HABP4: variants seen among roughly 807,000 people sequenced by gnomAD.
The protein encoded by HABP4 is hyaluronan binding protein 4, also known as intracellular hyaluronan-binding protein 4.
Under a neutral mutation model 44.1 loss-of-function variants are expected in HABP4, and 32 were observed. The observed-to-expected ratio is 0.73, with a 90% confidence interval of 0.55 to 0.97. The LOEUF (loss-of-function observed/expected upper bound fraction) is 0.97, where lower values mean the gene tolerates loss of function less well. Ranked by LOEUF, HABP4 falls within the 50% of genes least tolerant of loss-of-function variation. HABP4 has a pLI of 0.00. For missense variants in HABP4, 503 were observed against 561.9 expected, an observed-to-expected ratio of 0.90 and a Z score of 1.06; for synonymous variants, 216 against 218.0, an observed-to-expected ratio of 0.99 and a Z score of 0.08.
Position 96,484,529 on chromosome 9 carries a change from CT to C in HABP4, c.897del (p.Gln300LysfsTer25). 1 of 1,587,596 alleles carries C rather than the reference CT, an allele frequency of 6.3e-7. No homozygotes were observed. The highest frequency in any genetic ancestry group is 1.7e-5 in the Admixed American group (1 of 59,984). ...QEMTLDEWKNLQEQTRPKPEF... is the reference protein window; with the variant it reads ...QEMTLDEWKNXQEQTRPKPEF... ...GATGACTTTAGATGAGTGGAAAAATCTTCAAGAACAGACCAGACCAAAGCCT... is the reference window on the plus strand; with the variant it reads ...GATGACTTTAGATGAGTGGAAAAATCTCAAGAACAGACCAGACCAAAGCCT... On this transcript the variant is annotated frameshift_variant, in exon 6 of 8. Transcript: ENST00000375249. LOFTEE classifies it high-confidence loss of function.
intron 1 of HABP4, among the ~76,000 whole-genome samples, chr9:96,456,694 T>A (rs1587769931): frequency 2.2e-5 from 3 of 139,116 alleles, no homozygotes; most frequent in Middle Eastern, 4.0e-3. Context: ...CGGGAGGCGG[T>A]GCTTGCAGTG....
chr9:96,487,073 A>C (rs1441083859), intron 6 of HABP4, among the ~76,000 whole-genome samples: 1 of 152,004 alleles, frequency 6.6e-6, no homozygotes, highest in African/African-American at 2.4e-5. Flanking sequence ...CCTTTTTAGC[A>C]TTAAGCATCC....
At chr9:96,467,090 T>G (rs982966451) in intron 4 of HABP4, among the ~76,000 whole-genome samples, 7 of 151,140 alleles carry the variant, frequency 4.6e-5, no homozygotes, top group African/African-American at 1.7e-4. Context: ...GCCTGGCTAA[T>G]TTTTGTATTT....
At position 96,489,968 on chromosome 9, in the gene HABP4, C is replaced by A. The variant is rs778144301; in HGVS notation, c.1186-14C>A. 21 of 1,539,234 alleles carry A rather than the reference C, an allele frequency of 1.4e-5. No homozygotes were observed. In the Admixed American group the frequency reaches 2.8e-4, roughly 21 times the overall value. ...AGGGGCAGTGGATTTCAAAGTATTT[C>A]TTTTTTTCTTTAGATGCAAGATGTT... is the stretch of plus-strand genomic sequence containing the variant. On this transcript the variant is annotated splice_polypyrimidine_tract_variant and intron_variant, in intron 7 of 7. Coordinates refer to ENST00000375249, the MANE Select transcript of HABP4 (RefSeq NM_014282.4).
At chr9:96,481,410 A>G (rs1832878118) in intron 5 of HABP4, among the ~76,000 whole-genome samples, 1 of 152,034 alleles carries the variant, frequency 6.6e-6, no homozygotes, top group African/African-American at 2.4e-5. Context: ...CCCCTTAAAC[A>G]CTTTTGAGAT....
At chr9:96,467,712 G>C (rs1245362618) in intron 4 of HABP4, among the ~76,000 whole-genome samples, 1 of 151,874 alleles carries the variant, frequency 6.6e-6, no homozygotes, top group Non-Finnish European at 1.5e-5. Context: ...TTTTAGTAGA[G>C]ATGGTGTTTC....
At chr9:96,473,097 T>A (rs1184781100) in intron 5 of HABP4, among the ~76,000 whole-genome samples, 2 of 152,216 alleles carry the variant, frequency 1.3e-5, no homozygotes, top group Non-Finnish European at 2.9e-5. Flanking sequence ...AGAGTTTCTT[T>A]ATAGGATCTT....
chr9:96,460,608 A>G (rs1233540744), intron 2 of HABP4, among the ~76,000 whole-genome samples: 1 of 152,212 alleles, frequency 6.6e-6, no homozygotes, highest in Non-Finnish European at 1.5e-5. Context: ...AGGCAAATGC[A>G]TTGTATTTAG....
chr9:96,467,022 A>G (rs1347918017), intron 4 of HABP4, among the ~76,000 whole-genome samples: 3 of 149,860 alleles, frequency 2.0e-5, no homozygotes, highest in Non-Finnish European at 4.4e-5. Flanking sequence ...GCCCAGGTTC[A>G]AGTGATTCTC....
At chr9:96,484,980 T>A (rs1460949734) in intron 6 of HABP4, among the ~76,000 whole-genome samples, 1 of 152,178 alleles carries the variant, frequency 6.6e-6, no homozygotes, top group Non-Finnish European at 1.5e-5. Context: ...AAAGGAGAAC[T>A]ACACTCTGTG....
At chr9:96,465,229 C>CA in intron 2 of HABP4, 108 bp from the exon 3 acceptor site, 1 of 719,800 alleles carries the variant, frequency 1.4e-6, no homozygotes, top group Non-Finnish European at 2.4e-6. Context: ...TGATTCAAGC[C>CA]ACCATTCTTT....
chr9:96,489,873 C>A, intron 7 of HABP4, 109 bp from the exon 8 acceptor site: 3 of 770,406 alleles, frequency 3.9e-6, no homozygotes, highest in Middle Eastern at 5.4e-4. Flanking sequence ...GTGGGTCCTG[C>A]CTCTAATGCA....
At chr9:96,474,016 T>C (rs1832738614) in intron 5 of HABP4, among the ~76,000 whole-genome samples, 1 of 152,190 alleles carries the variant, frequency 6.6e-6, no homozygotes. Context: ...AGGGTTCTTG[T>C]AAAGATTTTG....
At chr9:96,470,428 C>T (rs545532355) in intron 4 of HABP4, among the ~76,000 whole-genome samples, 12 of 152,124 alleles carry the variant, frequency 7.9e-5, no homozygotes, top group African/African-American at 9.6e-5. Flanking sequence ...ACCCTGCCGG[C>T]CTGGAACCTT....
intron 5 of HABP4, among the ~76,000 whole-genome samples, chr9:96,471,729 C>G (rs1354283119): frequency 2.0e-5 from 3 of 152,028 alleles, no homozygotes; most frequent in Non-Finnish European, 4.4e-5. Flanking sequence ...TCCTCCCTCC[C>G]TCTCTTTTCA....
chr9:96,462,333 C>T (rs186125961), intron 2 of HABP4, among the ~76,000 whole-genome samples: 13 of 152,096 alleles, frequency 8.5e-5, no homozygotes, highest in African/African-American at 2.9e-4. Context: ...CGCCTGTGAT[C>T]CCAGCTAGTC....
At chr9:96,464,140 C>T (rs919224304) in intron 2 of HABP4, among the ~76,000 whole-genome samples, 3 of 152,038 alleles carry the variant, frequency 2.0e-5, no homozygotes, top group Admixed American at 6.6e-5. Context: ...CTTGGGCTCT[C>T]GCTCGTATTG....
rs544167103 is a variant in HABP4 at position 96,452,389 on chromosome 9, T to C, written c.349+1761T>C. Among the ~76,000 whole-genome samples the C allele has an allele frequency of 2.6e-5, 4 of 152,322 alleles. No homozygotes were observed. The East Asian group carries it at 7.7e-4, about 29-fold the overall frequency. The stretch of plus-strand genomic sequence containing the variant: ...GGTTAAGTGAAAATCCTCTTATTTT[T>C]CCTACTAACACTTTGCATTTATATA... On this transcript the variant is annotated intron_variant, in intron 1 of 7. Coordinates refer to ENST00000375249, the MANE Select transcript of HABP4 (RefSeq NM_014282.4).
chr9:96,456,780 A>ATATATAT (rs1165644914), intron 1 of HABP4, among the ~76,000 whole-genome samples: 1 of 44,772 alleles, frequency 2.2e-5, no homozygotes, highest in Non-Finnish European at 3.8e-5. Flanking sequence ...AAAAAAAAAA[A>ATATATAT]ATATATATAT....
Sources: allele counts gnomAD v4.1 joint callset (sites outside exome capture counted in the v4.1 genomes callset), GRCh38; gene constraint gnomAD v4.1.1; transcripts MANE v1.5; gene names NCBI Gene and HGNC (gene_info 2026-07-23, HGNC 2026-07-21).